The following DNAH7 variants were observed in gnomAD, a reference collection of about 807,000 sequenced individuals.
The protein encoded by DNAH7 is axonemal beta dynein heavy chain 7.
In DNAH7, 397 loss-of-function variants were observed where a neutral mutation model predicts 444.6. The ratio of observed to expected loss-of-function variants is 0.89; its 90% CI spans 0.82 to 0.97. The LOEUF is 0.97. DNAH7 is among the 50% of genes least tolerant of loss of function. The pLI is 0.00. For synonymous variants in DNAH7, 1,636 were observed against 1,624.4 expected (o/e 1.01, Z -0.17); for missense variants, 4,902 against 4,800.8 (o/e 1.02, Z -0.62).
chr2:195,794,333 C>T lies in DNAH7; in HGVS notation c.10716+5G>A, dbSNP rs775291528. 9.9e-6 allele frequency: 16 copies of T among 1,613,932 alleles called. No homozygotes were observed. The highest frequency in any genetic ancestry group is 1.7e-5 in the Admixed American group (1 of 59,990). On this transcript the variant is annotated splice_donor_5th_base_variant and intron_variant, in intron 57 of 64. Transcript: ENST00000312428. ...CCGAGGTAACAAGACTTAACCATTA[C>T]TAACAGGCTTTTTGCAGCTGCCAAA...
At chr2:195,845,218 C>T in intron 46 of DNAH7, 53 bp from the exon 47 acceptor site, 2 of 1,484,192 alleles carry the variant, frequency 1.3e-6, no homozygotes, top group Non-Finnish European at 1.8e-6. Context: ...TTATCAAAAG[C>T]ATGCTTTATA....
chr2:196,001,810 C>T lies in DNAH7; in HGVS notation c.1038G>A (p.Lys346=), dbSNP rs373411243. The change falls in exon 11 of 65, where the codon AAG becomes AAA. Residue 346 remains lysine (K), a synonymous_variant. Coordinates refer to ENST00000312428, the MANE Select transcript of DNAH7 (RefSeq NM_018897.3). ...QNIYYQGNKK[K]QLPTGDSSAK... ...CACTGCTGTCACCAGTTGGCAATTGCTTTTTTTTATTACCTTGGTAATAAA... is the reference window on the plus strand; with the variant it reads ...CACTGCTGTCACCAGTTGGCAATTGTTTTTTTTTATTACCTTGGTAATAAA... The T allele has an allele frequency of 7.4e-6, 12 of 1,611,538 alleles. No individual in the cohort carries two copies. The highest frequency in any genetic ancestry group is 1.6e-4 in the Middle Eastern group (1 of 6,070).
chr2:195,791,223 T>C (rs1695862453), intron 57 of DNAH7, among the ~76,000 whole-genome samples: 1 of 151,864 alleles, frequency 6.6e-6, no homozygotes, highest in South Asian at 2.1e-4. Flanking sequence ...ATCCCAGCAC[T>C]TTGGGAGGTG....
At chr2:195,852,047 A>T (rs1328482769) in intron 46 of DNAH7, among the ~76,000 whole-genome samples, 3 of 152,164 alleles carry the variant, frequency 2.0e-5, no homozygotes, top group Non-Finnish European at 4.4e-5. Flanking sequence ...TCATAAGGTC[A>T]GGAGATTGAG....
At chr2:196,035,946 C>T (rs557110175) in intron 5 of DNAH7, among the ~76,000 whole-genome samples, 15 of 152,054 alleles carry the variant, frequency 9.9e-5, no homozygotes, top group African/African-American at 3.6e-4. Context: ...GCTGCCATAG[C>T]ACTGCACCAT....
chr2:195,846,074 C>A (rs1040343982), intron 46 of DNAH7, among the ~76,000 whole-genome samples: 5 of 152,108 alleles, frequency 3.3e-5, no homozygotes, highest in African/African-American at 1.2e-4. Context: ...AATAGACAAC[C>A]TACACAATGG....
At chr2:195,971,896 C>T (rs888217594) in intron 16 of DNAH7, among the ~76,000 whole-genome samples, 2 of 152,018 alleles carry the variant, frequency 1.3e-5, no homozygotes, top group Admixed American at 6.6e-5. Flanking sequence ...GATATTCAAA[C>T]AAGTTTTAAA....
chr2:195,753,098 G>A (rs1693882544), intron 63 of DNAH7, among the ~76,000 whole-genome samples: 2 of 151,956 alleles, frequency 1.3e-5, no homozygotes, highest in Non-Finnish European at 2.9e-5. Flanking sequence ...TCCTGAAAGA[G>A]AGGGCACAAT....
Position 195,855,927 on chromosome 2 carries a change from C to A in DNAH7, c.8479G>T (p.Ala2827Ser), listed in dbSNP as rs937246478. 2 of 1,613,942 alleles carry A rather than the reference C, an allele frequency of 1.2e-6. No individual in the cohort carries two copies. The highest frequency in any genetic ancestry group is 2.7e-5 in the African/African-American group (2 of 75,032). The change falls in exon 45 of 65, where the codon GCC becomes TCC. Residue 2827 changes from alanine to serine, a missense_variant. Physicochemically the swap from Ala to Ser is moderately conservative, Grantham distance 99. Coordinates refer to ENST00000312428, the MANE Select transcript of DNAH7 (RefSeq NM_018897.3). Reference sequence around the variant, plus strand: ...TGCTTCTTTCTAAGACCATCCATGGCAATTTTAAGCTCCCCTTCAGCTGCA... The same window carrying A: ...TGCTTCTTTCTAAGACCATCCATGGAAATTTTAAGCTCCCCTTCAGCTGCA... Reference protein sequence around the residue: ...LAAAEGELKIAMDGLRKKQAA... With the variant: ...LAAAEGELKISMDGLRKKQAA...
intron 56 of DNAH7, 68 bp downstream of exon 56, chr2:195,796,508 G>C: frequency 1.9e-6 from 3 of 1,548,142 alleles, no homozygotes; most frequent in Non-Finnish European, 1.8e-6. Context: ...GGAGCTACCC[G>C]AATGTTATGT....
chr2:195,917,417 C>CA (rs143092788), intron 24 of DNAH7, among the ~76,000 whole-genome samples: 3,053 of 152,248 alleles, frequency 0.02, 98 homozygotes, highest in African/African-American at 0.069. Flanking sequence ...CACAGGTGGA[C>CA]AGCCCACCCT....
intron 28 of DNAH7, among the ~76,000 whole-genome samples, chr2:195,899,731 A>C (rs1461050545): frequency 1.3e-5 from 2 of 152,196 alleles, no homozygotes; most frequent in Non-Finnish European, 2.9e-5. Context: ...GATTTCATAA[A>C]GAACTAACTA....
chr2:195,864,649 G>A lies in DNAH7; in HGVS notation c.7006C>T (p.His2336Tyr). The stretch of plus-strand genomic sequence containing the variant: ...CCTCCAACCCCTACTAGGAGAGCAT[G>A]GCTGCGAGGCTGCTTCAGGATCCTG... Reference protein sequence around the residue: ...ISRILKQPRSHALLVGVGGSG... With the variant: ...ISRILKQPRSYALLVGVGGSG... The change falls in exon 41 of 65, where the codon CAT (histidine) becomes TAT (tyrosine). Residue 2336 changes from histidine (H) to tyrosine (Y), a missense_variant. His to Tyr is a moderately conservative substitution (Grantham distance 83). Transcript: ENST00000312428. The A allele has an allele frequency of 1.2e-6, 2 of 1,614,172 alleles. No homozygotes were observed. Among genetic ancestry groups the A allele is most frequent in the Non-Finnish European group, 1.7e-6 (2 of 1,180,038 alleles).
At position 195,737,810 on chromosome 2, in the gene DNAH7, C is replaced by CTT. The variant is rs1043945238; in HGVS notation, c.*109_*110dup. On this transcript the variant is annotated 3_prime_UTR_variant, in exon 65 of 65. Transcript: ENST00000312428. ...CTCATAAGTAAATTCATAATTATAA[C>CTT]TTTAGTCAAATGTATTTAAACAAAC... The CTT allele has an allele frequency of 7.7e-6, 7 of 904,494 alleles. No homozygotes were observed. The highest frequency in any genetic ancestry group is 3.1e-4 in the Middle Eastern group (1 of 3,196). 56.0% of individuals were successfully genotyped at this position (904,494 alleles called of 1,614,324 possible). A position where few individuals can be genotyped will look rare whatever the true frequency, so the allele number is the denominator to read the frequency against.
chr2:195,987,471 CTAAA>C (rs1323645482), intron 13 of DNAH7, among the ~76,000 whole-genome samples: 11 of 151,672 alleles, frequency 7.3e-5, no homozygotes, highest in African/African-American at 1.7e-4. Flanking sequence ...TACTGTATTG[CTAAA>C]TAAATAATGT....
At chr2:195,785,587 C>CT (rs56028042) in intron 58 of DNAH7, among the ~76,000 whole-genome samples, 34,429 of 114,206 alleles carry the variant, frequency 0.3, 4,676 homozygotes, top group Middle Eastern at 0.47. Flanking sequence ...TTACTGAGAG[C>CT]TTTTTTTTTT....
At chr2:195,848,719 T>C (rs777734966) in intron 46 of DNAH7, among the ~76,000 whole-genome samples, 23 of 152,178 alleles carry the variant, frequency 1.5e-4, no homozygotes, top group Non-Finnish European at 2.8e-4. Context: ...TGGAATTAGC[T>C]GGGTTTCACA....
At chr2:196,043,973 G>A (rs1338317632) in intron 5 of DNAH7, among the ~76,000 whole-genome samples, 5 of 151,886 alleles carry the variant, frequency 3.3e-5, no homozygotes, top group African/African-American at 1.2e-4. Context: ...AAACTACTAC[G>A]ACTACTATAG....
chr2:195,819,789 G>A (rs1697374052), intron 49 of DNAH7, among the ~76,000 whole-genome samples: 2 of 152,210 alleles, frequency 1.3e-5, no homozygotes, highest in South Asian at 2.1e-4. Context: ...GAAAGAAGAG[G>A]GCAACATTCT....
Sources: gnomAD v4.1 joint callset for allele counts (sites outside exome capture counted in the v4.1 genomes callset) on GRCh38, gnomAD v4.1.1 for gene constraint, MANE v1.5 for transcripts, NCBI Gene and HGNC (gene_info 2026-07-23, HGNC 2026-07-21) for gene names.